Variants in ADAMTS18 observed in about 807,000 individuals in gnomAD.
ADAMTS18 encodes the protein A disintegrin and metalloproteinase with thrombospondin motifs 18.
ADAMTS18 carries 157 observed loss-of-function variants against 165.9 expected under a neutral mutation model. The observed-to-expected ratio is 0.95, with a 90% CI of 0.83 to 1.08. The LOEUF is 1.08. Among genes scored for constraint, ADAMTS18 ranks in the 50% least tolerant of loss-of-function variants. ADAMTS18 has a pLI of 0.00. For missense variants in ADAMTS18, 2,040 were observed against 1,534.0 expected (o/e 1.33, Z -5.51); for synonymous variants, 782 against 578.2 (o/e 1.35, Z -5.06).
intron 3 of ADAMTS18, among the ~76,000 whole-genome samples, chr16:77,404,029 C>T (rs926238120): frequency 2.2e-4 from 31 of 141,642 alleles, no homozygotes; most frequent in African/African-American, 6.0e-4. Context: ...CCCTCCCTAC[C>T]GTCCTCCCTT....
At chr16:77,333,534 G>A (rs970204378) in intron 12 of ADAMTS18, among the ~76,000 whole-genome samples, 1 of 149,530 alleles carries the variant, frequency 6.7e-6, no homozygotes, top group Non-Finnish European at 1.5e-5. Context: ...TGGTGGGAAT[G>A]TAAATCAGCA....
At chr16:77,400,377 T>C (rs957179791) in intron 3 of ADAMTS18, among the ~76,000 whole-genome samples, 7 of 151,606 alleles carry the variant, frequency 4.6e-5, no homozygotes, top group African/African-American at 1.2e-4. Context: ...GGACTACCCC[T>C]GATTAATGGA....
At chr16:77,291,201 T>A (rs1019807771) in intron 21 of ADAMTS18, 65 bp downstream of exon 21, 4 of 1,558,272 alleles carry the variant, frequency 2.6e-6, no homozygotes, top group Non-Finnish European at 3.5e-6. Context: ...AGCAACTGTT[T>A]GCAGAACGCC....
chr16:77,373,480 G>A (rs1286473657), intron 3 of ADAMTS18, among the ~76,000 whole-genome samples: 6 of 148,786 alleles, frequency 4.0e-5, no homozygotes, highest in South Asian at 2.1e-4. Context: ...AAAAAAAAAA[G>A]AAAGAAAAGA....
In ADAMTS18 at chr16:77,283,390, C is replaced by G. The variant is rs1001613521; in HGVS notation, c.*566G>C. 1.3e-5 allele frequency: 2 copies of G among 157,416 alleles called. No homozygotes were observed. The highest frequency in any genetic ancestry group is 4.8e-5 in the African/African-American group (2 of 41,440). 9.8% of individuals were successfully genotyped at this position (157,416 alleles called of 1,614,324 possible). ...GTTTACACAAAATAATAAAGACACA[C>G]GCACACCAAATAAACATAACATGAA... On this transcript the variant is annotated 3_prime_UTR_variant, in exon 23 of 23. Transcript: ENST00000282849.
At position 77,325,886 on chromosome 16, in the gene ADAMTS18, T is replaced by G; in HGVS notation, c.2012A>C (p.Lys671Thr). The change falls in exon 13 of 23, where the codon AAA (lysine) becomes ACA (threonine). Residue 671 changes from lysine to threonine, a missense_variant. Transcript: ENST00000282849. The part of the protein sequence containing the change: ...KPFRGWFYQW[K>T]PYTKVEEEDR... ...ATTACCTTCCACTTTTGTATAGGGT[T>G]TCCACTGGTAGAACCATCCACGGAA... 2 of 1,613,954 alleles carry G rather than the reference T, an allele frequency of 1.2e-6. No homozygotes were observed. Among genetic ancestry groups the G allele is most frequent in the South Asian group, 1.1e-5 (1 of 91,050 alleles).
intron 10 of ADAMTS18, among the ~76,000 whole-genome samples, chr16:77,346,065 T>C (rs2056471261): frequency 6.6e-6 from 1 of 152,176 alleles, no homozygotes; most frequent in Non-Finnish European, 1.5e-5. Flanking sequence ...GTCTTTACAC[T>C]GGCTGTTCCA....
rs5818052 is a variant in ADAMTS18 at position 77,311,705 on chromosome 16, C to CTT, written c.2532+8142_2532+8143dup. 5.9e-3 allele frequency among the ~76,000 whole-genome samples: 863 copies of CTT among 146,642 alleles called. 8 individuals carry two copies. The highest frequency in any genetic ancestry group is 0.015 in the African/African-American group (611 of 40,054). ...CAAAATACTAGATTACTGGAGTTTT[C>CTT]TTTTTTTTTTGCTTTGAATATATTT... On this transcript the variant is annotated intron_variant, in intron 16 of 22. Transcript: ENST00000282849.
intron 3 of ADAMTS18, among the ~76,000 whole-genome samples, chr16:77,370,272 C>T (rs958277123): frequency 1.3e-5 from 2 of 152,096 alleles, no homozygotes; most frequent in South Asian, 2.1e-4. Context: ...GGGCATTCAA[C>T]TTAGAAAGGA....
At chr16:77,413,335 G>A (rs915821229) in intron 3 of ADAMTS18, among the ~76,000 whole-genome samples, 34 of 152,148 alleles carry the variant, frequency 2.2e-4, no homozygotes, top group African/African-American at 7.2e-4. Flanking sequence ...TCCAGCTATG[G>A]AAGAAACCAC....
intron 18 of ADAMTS18, among the ~76,000 whole-genome samples, chr16:77,296,424 A>G (rs1166322058): frequency 6.6e-6 from 1 of 152,124 alleles, no homozygotes; most frequent in Non-Finnish European, 1.5e-5. Context: ...ATGATTTTTA[A>G]ATTCTTGGAC....
At chr16:77,327,458 G>T (rs766818198) in intron 12 of ADAMTS18, among the ~76,000 whole-genome samples, 1 of 152,082 alleles carries the variant, frequency 6.6e-6, no homozygotes, top group African/African-American at 2.4e-5. Flanking sequence ...TGAGTTTATG[G>T]CAGCACAATT....
intron 11 of ADAMTS18, among the ~76,000 whole-genome samples, chr16:77,338,615 G>A (rs988081723): frequency 2.0e-4 from 31 of 151,906 alleles, no homozygotes; most frequent in African/African-American, 7.3e-4. Context: ...TTTATAGACA[G>A]CATGTACAAA....
intron 3 of ADAMTS18, among the ~76,000 whole-genome samples, chr16:77,408,712 A>T (rs1298677900): frequency 6.6e-6 from 1 of 152,142 alleles, no homozygotes; most frequent in African/African-American, 2.4e-5. Context: ...GACAATTTGG[A>T]ACTGAGAGAA....
At chr16:77,420,359 G>A (rs143084207) in intron 3 of ADAMTS18, among the ~76,000 whole-genome samples, 203 of 152,128 alleles carry the variant, frequency 1.3e-3, no homozygotes, top group African/African-American at 4.6e-3. Flanking sequence ...CCTAGCCCAG[G>A]GTTTCTCAAA....
chr16:77,364,664 G>T (rs752745037), intron 4 of ADAMTS18, among the ~76,000 whole-genome samples: 1 of 147,626 alleles, frequency 6.8e-6, no homozygotes, highest in Non-Finnish European at 1.5e-5. Flanking sequence ...TGGATAAATG[G>T]GTAGGTGGGT....
At chr16:77,409,477 A>G (rs1427684967) in intron 3 of ADAMTS18, among the ~76,000 whole-genome samples, 1 of 152,210 alleles carries the variant, frequency 6.6e-6, no homozygotes, top group Non-Finnish European at 1.5e-5. Context: ...CTAAGCTGAT[A>G]TGACAGGATA....
intron 11 of ADAMTS18, among the ~76,000 whole-genome samples, chr16:77,339,610 C>A (rs907959184): frequency 1.5e-4 from 20 of 137,004 alleles, no homozygotes; most frequent in East Asian, 1.3e-3. Context: ...AAAAAAAAAA[C>A]AAAACACTAA....
intron 3 of ADAMTS18, among the ~76,000 whole-genome samples, chr16:77,376,311 C>T (rs1314969728): frequency 6.6e-6 from 1 of 152,156 alleles, no homozygotes; most frequent in Non-Finnish European, 1.5e-5. Flanking sequence ...ATGAGAATAG[C>T]AAGGGGGAAA....
Sources: gnomAD v4.1 joint callset for allele counts (sites outside exome capture counted in the v4.1 genomes callset) on GRCh38, gnomAD v4.1.1 for gene constraint, MANE v1.5 for transcripts, NCBI Gene and HGNC (gene_info 2026-07-23, HGNC 2026-07-21) for gene names.